The following STK11IP variants were observed in gnomAD, a reference collection of about 807,000 sequenced individuals.
STK11IP encodes the protein serine/threonine kinase 11 interacting protein, also known as serine/threonine-protein kinase 11-interacting protein.
Under a neutral mutation model 131.7 loss-of-function variants are expected in STK11IP, and 103 were observed. The ratio of observed to expected loss-of-function variants is 0.78; its 90% confidence interval spans 0.67 to 0.92. STK11IP has a LOEUF of 0.92. Ranked by LOEUF, STK11IP falls within the 40% of genes least tolerant of loss-of-function variation. The pLI, the probability that STK11IP is intolerant of heterozygous loss-of-function variation, is 0.00. For missense variants in STK11IP, 1,315 were observed against 1,385.7 expected (o/e 0.95, Z 0.81); for synonymous variants, 557 against 575.6 (o/e 0.97, Z 0.46).
Position 219,615,097 on chromosome 2 carries a change from C to A in STK11IP, c.2873C>A (p.Pro958His). The change falls in exon 24 of 25, where the codon CCT becomes CAT. Residue 958 changes from proline to histidine, a missense_variant. Physicochemically the swap from Pro to His is moderately conservative, Grantham distance 77. Coordinates refer to ENST00000456909, the MANE Select transcript of STK11IP (RefSeq NM_052902.4). Reference sequence around the variant, plus strand: ...CTGGATGCCTCTTTCCCTGCAGGCCCTTCCACCTGCCTCGTATCCCTGTTG... The same window carrying A: ...CTGGATGCCTCTTTCCCTGCAGGCCATTCCACCTGCCTCGTATCCCTGTTG... ...FYLRAFLVEG[P>H]STCLVSLLLT... 1.2e-6 allele frequency: 2 copies of A among 1,608,582 alleles called. No individual in the cohort carries two copies. Among genetic ancestry groups the A allele is most frequent in the East Asian group, 2.2e-5 (1 of 44,818 alleles).
intron 7 of STK11IP, among the ~76,000 whole-genome samples, chr2:219,605,297 A>C (rs1449631493): frequency 6.6e-6 from 1 of 152,210 alleles, no homozygotes; most frequent in East Asian, 1.9e-4. Context: ...AGAGACTGGG[A>C]GACGGGGCCC....
At chr2:219,605,165 G>A (rs1698110595) in intron 7 of STK11IP, among the ~76,000 whole-genome samples, 1 of 152,188 alleles carries the variant, frequency 6.6e-6, no homozygotes, top group Non-Finnish European at 1.5e-5. Flanking sequence ...CGGGGAGTGG[G>A]CAGGGGAATG....
intron 13 of STK11IP, among the ~76,000 whole-genome samples, chr2:219,607,531 C>T (rs562436274): frequency 2.0e-5 from 3 of 151,976 alleles, no homozygotes; most frequent in Admixed American, 6.6e-5. Context: ...TGGTGGTGTG[C>T]GCCTGTAGTC....
chr2:219,615,515 A>G (rs547584198), intron 24 of STK11IP, among the ~76,000 whole-genome samples, 174 bp downstream of exon 24: 1 of 21,156 alleles, frequency 4.7e-5, no homozygotes, highest in Admixed American at 8.3e-4. Context: ...GCTTGGATGA[A>G]TATCAAGTCA....
intron 9 of STK11IP, 59 bp from the exon 10 acceptor site, chr2:219,606,136 T>G (rs1245723469): frequency 1.3e-6 from 2 of 1,543,352 alleles, no homozygotes; most frequent in African/African-American, 1.4e-5. Context: ...CAGTGCCTTC[T>G]TCACACAGGG....
intron 13 of STK11IP, 27 bp from the exon 14 acceptor site, chr2:219,608,020 T>C: frequency 1.3e-6 from 2 of 1,597,062 alleles, no homozygotes; most frequent in Non-Finnish European, 8.5e-7. Context: ...GCAGGCTTGC[T>C]CAGTTCTGGG....
intron 2 of STK11IP, 93 bp downstream of exon 2, chr2:219,598,273 G>T (rs746940940): frequency 2.0e-5 from 18 of 894,418 alleles, no homozygotes; most frequent in Non-Finnish European, 2.8e-5. Context: ...ATGGAGTTAC[G>T]ACTGGTAGGG....
intron 7 of STK11IP, 42 bp from the exon 8 acceptor site, chr2:219,605,566 T>C (rs770292545): frequency 8.4e-6 from 13 of 1,549,546 alleles, no homozygotes; most frequent in Middle Eastern, 1.7e-4. Context: ...GGCTAGAGTT[T>C]GGTCAACGAG....
intron 2 of STK11IP, among the ~76,000 whole-genome samples, chr2:219,599,078 A>G (rs576800084): frequency 6.6e-6 from 1 of 152,082 alleles, no homozygotes; most frequent in Non-Finnish European, 1.5e-5. Flanking sequence ...TCTTTATAGC[A>G]GTTTTCTTTT....
chr2:219,601,581 A>G, intron 3 of STK11IP, 60 bp from the exon 4 acceptor site: 1 of 1,555,178 alleles, frequency 6.4e-7, no homozygotes, highest in Non-Finnish European at 8.7e-7. Flanking sequence ...TAAGGAAGGA[A>G]TGTTGAGGGC....
At chr2:219,609,291 GC>G in intron 16 of STK11IP, 71 bp from the exon 17 acceptor site, 1 of 1,581,656 alleles carries the variant, frequency 6.3e-7, no homozygotes, top group Non-Finnish European at 8.6e-7. Flanking sequence ...AGGCCTGAGG[GC>G]CGGGGGCCTG....
chr2:219,598,055 C>T, intron 1 of STK11IP, 39 bp from the exon 2 acceptor site: 1 of 1,565,894 alleles, frequency 6.4e-7, no homozygotes, highest in Non-Finnish European at 8.7e-7. Context: ...GGCACTACCG[C>T]CCACCTGAGG....
At position 219,602,474 on chromosome 2, in the gene STK11IP, C is replaced by G; in HGVS notation, c.445C>G (p.Leu149Val). 1 of 1,613,584 alleles carries G rather than the reference C, an allele frequency of 6.2e-7. No homozygotes were observed. The highest frequency in any genetic ancestry group is 8.5e-7 in the Non-Finnish European group (1 of 1,179,690). ...SRSLQALEEL[L>V]SACGGDFCSA... is the part of the protein sequence containing the mutation. ...CACCCATCTGTCTGCTCAGGAGCTCCTCTCAGCCTGCGGCGGCGACTTCTG... is the reference window on the plus strand; with the variant it reads ...CACCCATCTGTCTGCTCAGGAGCTCGTCTCAGCCTGCGGCGGCGACTTCTG... The change falls in exon 6 of 25, where the codon CTC (leucine) becomes GTC (valine). Residue 149 changes from leucine to valine, a missense_variant. Leu to Val is a conservative substitution (Grantham distance 32). Transcript: ENST00000456909.
intron 2 of STK11IP, among the ~76,000 whole-genome samples, chr2:219,599,883 A>G (rs1204504002): frequency 6.6e-6 from 1 of 150,722 alleles, no homozygotes; most frequent in Non-Finnish European, 1.5e-5. Flanking sequence ...GACTACAGGC[A>G]TGCACCACCA....
At chr2:219,606,379 GC>G (rs1559180073) in intron 10 of STK11IP, 89 bp downstream of exon 10, 1 of 1,545,184 alleles carries the variant, frequency 6.5e-7, no homozygotes, top group South Asian at 1.2e-5. Flanking sequence ...TGGGTGAGGG[GC>G]CAAGGACCTG....
In STK11IP at chr2:219,609,399, G is replaced by A; in HGVS notation, c.1963G>A (p.Ala655Thr). ...LAVLTPVTNV[A>T]REQLGEARDL... ...CGTGTTGACCCCAGTCACCAATGTG[G>A]CTCGGGAACAGCTTGGGGAGGCCAG... The change falls in exon 17 of 25, where the codon GCT becomes ACT. Residue 655 changes from alanine to threonine, a missense_variant. Ala to Thr is a moderately conservative substitution (Grantham distance 58). Coordinates refer to ENST00000456909, the MANE Select transcript of STK11IP (RefSeq NM_052902.4). 6.2e-7 allele frequency: 1 copy of A among 1,613,722 alleles called. No homozygotes were observed. The highest frequency in any genetic ancestry group is 8.5e-7 in the Non-Finnish European group (1 of 1,179,864).
rs1432288353 is a variant in STK11IP at position 219,611,609 on chromosome 2, C to T, written c.2110C>T (p.Pro704Ser). 2 of 1,612,190 alleles carry T rather than the reference C, an allele frequency of 1.2e-6. No homozygotes were observed. The highest frequency in any genetic ancestry group is 1.7e-5 in the Admixed American group (1 of 59,996). The change falls in exon 18 of 25, where the codon CCT becomes TCT. Residue 704 changes from proline to serine, a missense_variant. Physicochemically the swap from Pro to Ser is moderately conservative, Grantham distance 74. Coordinates refer to ENST00000456909, the MANE Select transcript of STK11IP (RefSeq NM_052902.4). ...WRPLFQKTESPAVCPNCGSDH... is the reference protein window; with the variant it reads ...WRPLFQKTESSAVCPNCGSDH... Reference sequence around the variant, plus strand: ...CGTGTCCATCCTCCCTCCAGAATCTCCTGCTGTGTGTCCTAACTGTGGTAG... The same window carrying T: ...CGTGTCCATCCTCCCTCCAGAATCTTCTGCTGTGTGTCCTAACTGTGGTAG...
chr2:219,616,352 C>A lies in STK11IP; in HGVS notation c.*159C>A. ...AATGACCCAGGGCTTAAGGGAGAGG[C>A]GAGAGAATGATCTGGCCTCAGGGGA... On this transcript the variant is annotated 3_prime_UTR_variant, in exon 25 of 25. Transcript: ENST00000456909. The A allele has an allele frequency of 3.1e-6, 3 of 955,004 alleles. No individual in the cohort carries two copies. The highest frequency in any genetic ancestry group is 4.5e-6 in the Non-Finnish European group (3 of 663,484). The allele number at this position is 955,004 out of a possible 1,614,324, so 59.2% of individuals were successfully genotyped here.
At chr2:219,598,207 C>T in intron 2 of STK11IP, 27 bp downstream of exon 2, 2 of 1,498,176 alleles carry the variant, frequency 1.3e-6, no homozygotes, top group Non-Finnish European at 1.8e-6. Context: ...TTGGGCTGGG[C>T]CTCGGACCTC....
Sources: gnomAD v4.1 joint callset for allele counts (sites outside exome capture counted in the v4.1 genomes callset) on GRCh38, gnomAD v4.1.1 for gene constraint, MANE v1.5 for transcripts, NCBI Gene and HGNC (gene_info 2026-07-23, HGNC 2026-07-21) for gene names.